The following PHACTR3 variants were observed in gnomAD, a reference collection of about 807,000 sequenced individuals.
PHACTR3 encodes the protein protein phosphatase 1, regulatory subunit 123.
Under a neutral mutation model 66.8 loss-of-function variants are expected in PHACTR3, and 16 were observed. That is an observed-to-expected ratio of 0.24 (90% CI 0.16 to 0.36). PHACTR3 has a LOEUF of 0.36. Ranked by LOEUF, PHACTR3 falls within the 10% of genes least tolerant of loss-of-function variation. The pLI is 1.00. For synonymous variants in PHACTR3, 323 were observed against 292.1 expected (o/e 1.11, Z -1.08); for missense variants, 647 against 719.9 (o/e 0.90, Z 1.16).
intron 8 of PHACTR3, among the ~76,000 whole-genome samples, chr20:59,816,372 G>T (rs2041888153): frequency 6.6e-6 from 1 of 152,176 alleles, no homozygotes; most frequent in South Asian, 2.1e-4. Context: ...CCCTGTTCTA[G>T]AGCAGTCTGC....
At chr20:59,754,790 A>C (rs965472541) in intron 3 of PHACTR3, among the ~76,000 whole-genome samples, 1 of 152,370 alleles carries the variant, frequency 6.6e-6, no homozygotes, top group Non-Finnish European at 1.5e-5. Context: ...AGCACTTCTC[A>C]TGCCAGTGCT....
intron 8 of PHACTR3, among the ~76,000 whole-genome samples, chr20:59,831,362 A>G (rs1271414946): frequency 6.6e-6 from 1 of 152,028 alleles, no homozygotes; most frequent in African/African-American, 2.4e-5. Flanking sequence ...ACAAGCAGGG[A>G]CCAGGTAGGG....
chr20:59,755,117 T>G, intron 3 of PHACTR3, 65 bp from the exon 4 acceptor site: 1 of 1,520,666 alleles, frequency 6.6e-7, no homozygotes, highest in Non-Finnish European at 8.9e-7. Context: ...GAAAGACTCT[T>G]GGGACGACGG....
At chr20:59,780,786 C>G (rs2040698825) in intron 7 of PHACTR3, among the ~76,000 whole-genome samples, 1 of 152,196 alleles carries the variant, frequency 6.6e-6, no homozygotes, top group Non-Finnish European at 1.5e-5. Context: ...CTTTCTAGCT[C>G]TGTGACCTTG....
At chr20:59,661,297 G>A (rs1444338645) in intron 1 of PHACTR3, among the ~76,000 whole-genome samples, 2 of 152,194 alleles carry the variant, frequency 1.3e-5, no homozygotes, top group Non-Finnish European at 2.9e-5. Context: ...TTCAGACAGA[G>A]GTCCTGAGCA....
chr20:59,603,012 G>A (rs1053613619), upstream of PHACTR3, among the ~76,000 whole-genome samples: 2 of 152,136 alleles, frequency 1.3e-5, no homozygotes, highest in Non-Finnish European at 2.9e-5. Flanking sequence ...CACCTACCAG[G>A]GCAGTTGTAG....
chr20:59,705,777 C>T (rs921071152), intron 1 of PHACTR3, among the ~76,000 whole-genome samples: 3 of 152,206 alleles, frequency 2.0e-5, no homozygotes, highest in African/African-American at 7.2e-5. Flanking sequence ...CATTTCCCTT[C>T]CTGCAGGCTG....
chr20:59,789,168 G>T (rs531881337), intron 7 of PHACTR3, among the ~76,000 whole-genome samples: 1 of 152,350 alleles, frequency 6.6e-6, no homozygotes, highest in African/African-American at 2.4e-5. Flanking sequence ...GATCTCCCTG[G>T]TTTCTGGGGG....
At chr20:59,822,072 AACG>A (rs1271603461) in intron 8 of PHACTR3, among the ~76,000 whole-genome samples, 68 of 16,492 alleles carry the variant, frequency 4.1e-3, no homozygotes, top group African/African-American at 0.017. Context: ...TCCGCCCCGC[AACG>A]ATCCCACCCC....
intron 1 of PHACTR3, among the ~76,000 whole-genome samples, chr20:59,615,501 T>A (rs776300363): frequency 6.6e-6 from 1 of 152,228 alleles, no homozygotes; most frequent in Non-Finnish European, 1.5e-5. Flanking sequence ...GTGCCAGGCC[T>A]CTCAAACTTG....
chr20:59,620,830 G>A (rs1350273782), intron 1 of PHACTR3, among the ~76,000 whole-genome samples: 1 of 152,046 alleles, frequency 6.6e-6, no homozygotes, highest in Admixed American at 6.5e-5. Context: ...CGTGTTCAGG[G>A]GTGGCTGTCT....
chr20:59,779,386 G>A lies in PHACTR3; in HGVS notation c.1174+4896G>A, dbSNP rs1222013681. 2.6e-5 allele frequency among the ~76,000 whole-genome samples: 4 copies of A among 152,310 alleles called. No homozygotes were observed. The South Asian group carries it at 6.2e-4, about 24-fold the overall frequency. ...GGGGAAAATTACTCACAGTAGGAAA[G>A]GCCTGTAAGAGTATTTTGCTTTGCC... On this transcript the variant is annotated intron_variant, in intron 7 of 12. Coordinates refer to ENST00000371015, the MANE Select transcript of PHACTR3 (RefSeq NM_080672.5).
At chr20:59,678,630 A>C (rs1324522508) in intron 1 of PHACTR3, among the ~76,000 whole-genome samples, 1 of 152,150 alleles carries the variant, frequency 6.6e-6, no homozygotes, top group East Asian at 1.9e-4. Flanking sequence ...CTACTTGCAG[A>C]GCTTACCGTG....
chr20:59,804,960 C>T (rs76299237), intron 7 of PHACTR3, among the ~76,000 whole-genome samples: 3,266 of 152,244 alleles, frequency 0.021, 105 homozygotes, highest in Middle Eastern at 0.071. Flanking sequence ...CTTGAGCCCC[C>T]AGGAATTAAA....
chr20:59,753,027 C>A (rs1429293607), intron 3 of PHACTR3, among the ~76,000 whole-genome samples: 1 of 152,116 alleles, frequency 6.6e-6, no homozygotes, highest in Non-Finnish European at 1.5e-5. Context: ...ACTCGGTGAG[C>A]TCTCTTGGCT....
intron 3 of PHACTR3, among the ~76,000 whole-genome samples, chr20:59,748,171 T>A (rs2039442927): frequency 6.6e-6 from 1 of 152,148 alleles, no homozygotes; most frequent in Non-Finnish European, 1.5e-5. Flanking sequence ...CAGCATTAAT[T>A]TTTTTTTCAT....
intron 1 of PHACTR3, among the ~76,000 whole-genome samples, chr20:59,675,962 T>C (rs2036436022): frequency 6.6e-6 from 1 of 152,212 alleles, no homozygotes; most frequent in Non-Finnish European, 1.5e-5. Flanking sequence ...GGGCCCGGAA[T>C]AAAAGGTGCA....
intron 9 of PHACTR3, 59 bp from the exon 10 acceptor site, chr20:59,840,310 A>T (rs960114490): frequency 6.3e-6 from 10 of 1,581,914 alleles, no homozygotes; most frequent in Non-Finnish European, 8.6e-6. Context: ...GCTGAAGAGA[A>T]GAACGTTTCA....
intron 8 of PHACTR3, among the ~76,000 whole-genome samples, chr20:59,808,860 G>C (rs1020593047): frequency 6.6e-6 from 1 of 152,184 alleles, no homozygotes; most frequent in South Asian, 2.1e-4. Context: ...GGCCCAGATC[G>C]TTCTCCGTGG....
Sources: gnomAD v4.1 joint callset for allele counts (sites outside exome capture counted in the v4.1 genomes callset) on GRCh38, gnomAD v4.1.1 for gene constraint, MANE v1.5 for transcripts, NCBI Gene and HGNC (gene_info 2026-07-23, HGNC 2026-07-21) for gene names.